MTARC2: variants seen among roughly 807,000 people sequenced by gnomAD.
MTARC2 encodes the protein mitochondrial amidoxime reducing component 2, also known as MOCO sulphurase C-terminal domain containing 2.
In MTARC2, 27 loss-of-function variants were observed where a neutral mutation model predicts 35.6. The observed-to-expected ratio is 0.76, with a 90% CI of 0.56 to 1.04. MTARC2 has a LOEUF of 1.04. MTARC2 is among the 50% of genes least tolerant of loss of function. The pLI is 0.00. For synonymous variants in MTARC2, 158 were observed against 167.1 expected (o/e 0.95, Z 0.42); for missense variants, 412 against 432.5 (o/e 0.95, Z 0.42).
intron 1 of MTARC2, among the ~76,000 whole-genome samples, chr1:220,752,708 G>A (rs529227468): frequency 5.3e-5 from 8 of 152,092 alleles, no homozygotes; most frequent in East Asian, 1.9e-4. Flanking sequence ...TCAGTTGGGC[G>A]TGGTGGTGTG....
Position 220,748,859 on chromosome 1 carries a change from G to T in MTARC2, c.272+56G>T, listed in dbSNP as rs575525971. The T allele has an allele frequency of 1.1e-4, 162 of 1,486,104 alleles. 1 individual carries two copies. In the South Asian group the frequency reaches 2.0e-3, roughly 18 times the overall value. The allele number at this position is 1,486,104 out of a possible 1,614,324, so 92.1% of individuals were successfully genotyped here. A position where few individuals can be genotyped will look rare whatever the true frequency, so the allele number is the denominator to read the frequency against. ...GGAGCCTGCCTGGGATGAGGAGCGG[G>T]GGGGCAGGTGGGGCCCGATCTATCT... On this transcript the variant is annotated intron_variant, in intron 1 of 7. Transcript: ENST00000366913.
At chr1:220,761,126 A>G (rs960405732) in intron 2 of MTARC2, among the ~76,000 whole-genome samples, 8 of 152,254 alleles carry the variant, frequency 5.3e-5, no homozygotes, top group Non-Finnish European at 1.2e-4. Flanking sequence ...ATCTAAAGTT[A>G]TCTGTTCCCA....
intron 1 of MTARC2, chr1:220,754,340 T>C (rs1467940653): frequency 2.2e-6 from 1 of 456,266 alleles, no homozygotes; most frequent in Admixed American, 2.3e-5. Flanking sequence ...AACATGTGAC[T>C]TCTGTGTGTC....
intron 4 of MTARC2, among the ~76,000 whole-genome samples, chr1:220,776,954 C>T (rs1044087799): frequency 6.6e-6 from 1 of 152,216 alleles, no homozygotes; most frequent in African/African-American, 2.4e-5. Flanking sequence ...TTGATCCTTA[C>T]TTCCCAGTAC....
intron 4 of MTARC2, among the ~76,000 whole-genome samples, chr1:220,771,366 A>G (rs1323129247): frequency 6.6e-6 from 1 of 151,208 alleles, no homozygotes; most frequent in African/African-American, 2.4e-5. Context: ...TCCAGGTCCA[A>G]GTGTCCCAAA....
chr1:220,749,427 CTT>C (rs60380640), intron 1 of MTARC2, among the ~76,000 whole-genome samples: 1,189 of 98,558 alleles, frequency 0.012, 13 homozygotes, highest in African/African-American at 0.042. Context: ...ATGCCTTCTT[CTT>C]TTTTTTTTTT....
In MTARC2 at chr1:220,780,210, C is replaced by G. The variant is rs572235855; in HGVS notation, c.855C>G (p.Asp285Glu). ...TGGACCCAGACACTGGAGTCATAGA[C>G]AGGAAACAGCCACTGGACACCCTGA... ...TTVDPDTGVI[D>E]RKQPLDTLKS... The change falls in exon 6 of 8, where the codon GAC becomes GAG. Residue 285 changes from aspartate to glutamate, a missense_variant. Transcript: ENST00000366913. The G allele has an allele frequency of 2.5e-5, 41 of 1,612,624 alleles. No individual in the cohort carries two copies. Among genetic ancestry groups the G allele is most frequent in the Non-Finnish European group, 3.2e-5 (38 of 1,179,576 alleles).
chr1:220,750,305 T>C (rs948693153), intron 1 of MTARC2, among the ~76,000 whole-genome samples: 23 of 152,350 alleles, frequency 1.5e-4, no homozygotes, highest in African/African-American at 5.3e-4. Context: ...ATTCTCACGA[T>C]GCATGTCCAG....
chr1:220,773,221 G>T (rs969571946), intron 4 of MTARC2, among the ~76,000 whole-genome samples: 3 of 152,148 alleles, frequency 2.0e-5, no homozygotes, highest in African/African-American at 7.2e-5. Flanking sequence ...AATGGCCAAT[G>T]ATTTTATCAA....
chr1:220,761,589 A>C (rs574768625), intron 2 of MTARC2, 69 bp from the exon 3 acceptor site: 10 of 1,478,182 alleles, frequency 6.8e-6, no homozygotes, highest in Non-Finnish European at 8.2e-6. Flanking sequence ...CCAGCTGTTC[A>C]TTTTTGACAC....
chr1:220,782,767 T>C (rs762437185), intron 7 of MTARC2, among the ~76,000 whole-genome samples: 2 of 133,506 alleles, frequency 1.5e-5, no homozygotes, highest in Non-Finnish European at 3.3e-5. Context: ...TAGCATTAGA[T>C]AGACTTGGGT....
At chr1:220,776,906 C>G (rs1223611401) in intron 4 of MTARC2, among the ~76,000 whole-genome samples, 1 of 152,178 alleles carries the variant, frequency 6.6e-6, no homozygotes, top group Non-Finnish European at 1.5e-5. Flanking sequence ...GTGGTAGGTG[C>G]CCAGCCTTCC....
intron 2 of MTARC2, among the ~76,000 whole-genome samples, chr1:220,761,149 G>T (rs1326435751): frequency 6.6e-6 from 1 of 152,218 alleles, no homozygotes; most frequent in African/African-American, 2.4e-5. Context: ...AAGTGACGTA[G>T]GTAGGTACCA....
chr1:220,754,579 C>T, intron 1 of MTARC2: 1 of 388,738 alleles, frequency 2.6e-6, no homozygotes. Context: ...CTCCCAGGGC[C>T]ACAGAGACAT....
Position 220,781,803 on chromosome 1 carries a change from A to C in MTARC2, c.910A>C (p.Arg304=). Residue 304 remains arginine, a synonymous_variant, in exon 7 of 8, where the codon AGG becomes CGG. Transcript: ENST00000366913. Reference sequence around the variant, plus strand: ...CTACCGCCTGTGTGATCCTTCTGAGAGGGAATTGTACAAGTTGTCTCCACT... The same window carrying C: ...CTACCGCCTGTGTGATCCTTCTGAGCGGGAATTGTACAAGTTGTCTCCACT... The part of the protein sequence containing the change: ...KSYRLCDPSE[R]ELYKLSPLFG... 6.2e-7 allele frequency: 1 copy of C among 1,614,146 alleles called. No homozygotes were observed. Among genetic ancestry groups the C allele is most frequent in the Non-Finnish European group, 8.5e-7 (1 of 1,180,030 alleles).
Position 220,761,679 on chromosome 1 carries a change from A to G in MTARC2, c.468A>G (p.Lys156=), listed in dbSNP as rs546603284. The G allele has an allele frequency of 6.2e-7, 1 of 1,612,896 alleles. No individual in the cohort carries two copies. Among genetic ancestry groups the G allele is most frequent in the Non-Finnish European group, 8.5e-7 (1 of 1,179,726 alleles). Residue 156 remains lysine, a synonymous_variant, in exon 3 of 8, where the codon AAA becomes AAG. Transcript: ENST00000366913. Reference sequence around the variant, plus strand: ...CCAGGATATTTGGCCTTGACATTAAAGGCAGAGACTGTGGCAATGAGGCAG... The same window carrying G: ...CCAGGATATTTGGCCTTGACATTAAGGGCAGAGACTGTGGCAATGAGGCAG... ...HNCRIFGLDI[K]GRDCGNEAAK... is the part of the protein sequence containing the mutation.
At chr1:220,755,291 G>A (rs1671245149) in intron 2 of MTARC2, among the ~76,000 whole-genome samples, 171 bp downstream of exon 2, 1 of 152,156 alleles carries the variant, frequency 6.6e-6, no homozygotes. Flanking sequence ...ATGATGCAGG[G>A]TATTGTTTTC....
chr1:220,771,282 G>A (rs981515009), intron 4 of MTARC2, among the ~76,000 whole-genome samples: 60 of 122,612 alleles, frequency 4.9e-4, no homozygotes, highest in African/African-American at 2.1e-3. Flanking sequence ...CTTGGTGACA[G>A]AGTGAGACTG....
At chr1:220,769,934 C>CAAAAAAAACAAAAAAAAAA (rs1671693292) in intron 4 of MTARC2, among the ~76,000 whole-genome samples, 1 of 63,424 alleles carries the variant, frequency 1.6e-5, no homozygotes, top group Non-Finnish European at 2.8e-5. Flanking sequence ...ACTAAAAATA[C>CAAAAAAAACAAAAAAAAAA]AAAAAAAAAA....
Sources: allele counts gnomAD v4.1 joint callset (sites outside exome capture counted in the v4.1 genomes callset), GRCh38; gene constraint gnomAD v4.1.1; transcripts MANE v1.5; gene names NCBI Gene and HGNC (gene_info 2026-07-23, HGNC 2026-07-21).